KCNK10: variants seen among roughly 807,000 people sequenced by gnomAD.
KCNK10 encodes the protein potassium two pore domain channel subfamily K member 10.
KCNK10 carries 25 observed loss-of-function variants against 47.7 expected under a neutral mutation model. That is an observed-to-expected ratio of 0.52 (90% CI 0.38 to 0.73). The LOEUF (loss-of-function observed/expected upper bound fraction) is 0.73. KCNK10 is among the 30% of genes least tolerant of loss of function. KCNK10 has a pLI of 0.00. For missense variants in KCNK10, 563 were observed against 714.5 expected (o/e 0.79, Z 2.42); for synonymous variants, 303 against 285.6 (o/e 1.06, Z -0.61).
chr14:88,271,894 T>C (rs1887413907), intron 1 of KCNK10, among the ~76,000 whole-genome samples: 1 of 148,662 alleles, frequency 6.7e-6, no homozygotes, highest in Non-Finnish European at 1.5e-5. Flanking sequence ...TTTCCCCAAA[T>C]CTCTTCTTGT....
At chr14:88,295,406 T>C (rs1887965757) in intron 1 of KCNK10, among the ~76,000 whole-genome samples, 1 of 152,182 alleles carries the variant, frequency 6.6e-6, no homozygotes, top group Non-Finnish European at 1.5e-5. Flanking sequence ...TCACCTATAA[T>C]CCCAGCATTT....
intron 1 of KCNK10, among the ~76,000 whole-genome samples, chr14:88,305,455 T>C (rs1888185398): frequency 6.6e-6 from 1 of 152,124 alleles, no homozygotes; most frequent in South Asian, 2.1e-4. Flanking sequence ...CACCCTCTCT[T>C]TTCATGCTGC....
chr14:88,192,134 C>T (rs921055998), intron 5 of KCNK10, 90 bp downstream of exon 5: 8 of 1,272,120 alleles, frequency 6.3e-6, no homozygotes, highest in African/African-American at 4.5e-5. Flanking sequence ...TTGCTTCTCC[C>T]GCAACATCTT....
chr14:88,281,586 C>G (rs1348347258), intron 1 of KCNK10, among the ~76,000 whole-genome samples: 1 of 151,962 alleles, frequency 6.6e-6, no homozygotes, highest in Non-Finnish European at 1.5e-5. Context: ...TTTCCTGGTT[C>G]TCAGGCCTTC....
chr14:88,285,669 TACTC>T (rs1368363218), intron 1 of KCNK10, among the ~76,000 whole-genome samples: 5 of 152,206 alleles, frequency 3.3e-5, no homozygotes, highest in Non-Finnish European at 7.3e-5. Context: ...AGGTTAAGAT[TACTC>T]AGGTTCTTTA....
At chr14:88,196,218 C>T (rs1884909025) in intron 4 of KCNK10, among the ~76,000 whole-genome samples, 1 of 152,178 alleles carries the variant, frequency 6.6e-6, no homozygotes, top group South Asian at 2.1e-4. Flanking sequence ...TACTCAAAAC[C>T]CATCTCCTGT....
At chr14:88,258,233 TG>T (rs916449286) in intron 2 of KCNK10, among the ~76,000 whole-genome samples, 32 of 152,066 alleles carry the variant, frequency 2.1e-4, no homozygotes, top group African/African-American at 7.5e-4. Flanking sequence ...CTCAGCACCC[TG>T]AGGCCACATT....
chr14:88,301,005 A>C (rs1888081051), intron 1 of KCNK10, among the ~76,000 whole-genome samples: 1 of 152,160 alleles, frequency 6.6e-6, no homozygotes, highest in African/African-American at 2.4e-5. Flanking sequence ...TTAGACTCTC[A>C]ACTCTACCAT....
chr14:88,289,430 T>C (rs751026587), intron 1 of KCNK10, among the ~76,000 whole-genome samples: 5 of 152,206 alleles, frequency 3.3e-5, no homozygotes, highest in Non-Finnish European at 5.9e-5. Flanking sequence ...GTTTTTTAGA[T>C]TCACTTGAAG....
intron 2 of KCNK10, 68 bp downstream of exon 2, chr14:88,263,134 A>G: frequency 1.5e-6 from 2 of 1,306,362 alleles, no homozygotes; most frequent in South Asian, 1.4e-5. Context: ...CTAGAGACCC[A>G]GAAAGATAAA....
intron 2 of KCNK10, among the ~76,000 whole-genome samples, chr14:88,251,917 A>G (rs996041012): frequency 1.3e-5 from 2 of 152,056 alleles, no homozygotes; most frequent in African/African-American, 4.8e-5. Context: ...TCTTTGTCCT[A>G]CTAAATCAGT....
chr14:88,229,389 A>T (rs1024063871), intron 3 of KCNK10, among the ~76,000 whole-genome samples: 6 of 152,108 alleles, frequency 3.9e-5, no homozygotes, highest in Non-Finnish European at 5.9e-5. Flanking sequence ...CCCACTTAAC[A>T]TCTGCAAATC....
intron 4 of KCNK10, among the ~76,000 whole-genome samples, chr14:88,214,225 C>T (rs1885549106): frequency 6.6e-6 from 1 of 152,122 alleles, no homozygotes; most frequent in Admixed American, 6.5e-5. Flanking sequence ...AGGCTTGAGT[C>T]ACCACACCAA....
chr14:88,253,989 AG>A (rs1327615940), intron 2 of KCNK10, among the ~76,000 whole-genome samples: 1 of 152,186 alleles, frequency 6.6e-6, no homozygotes, highest in African/African-American at 2.4e-5. Flanking sequence ...TGGACCAGTC[AG>A]GGTGAGGGGG....
Position 88,202,450 on chromosome 14 carries a change from A to G in KCNK10, c.682-10040T>C, listed in dbSNP as rs530368775. Among the ~76,000 whole-genome samples the G allele has an allele frequency of 3.0e-4, 46 of 152,332 alleles. 1 individual carries two copies. The highest frequency in any genetic ancestry group is 2.8e-3 in the Admixed American group (43 of 15,300). On this transcript the variant is annotated intron_variant, in intron 4 of 6. Coordinates refer to ENST00000319231, the MANE Select transcript of KCNK10 (RefSeq NM_138317.3). Reference sequence around the variant, plus strand: ...TTTCCCAGCCTCTCCTGCTATGAGGAGACAAGCATGTGACCCAGGCTTTCC... The same window carrying G: ...TTTCCCAGCCTCTCCTGCTATGAGGGGACAAGCATGTGACCCAGGCTTTCC...
Position 88,241,330 on chromosome 14 carries a change from AG to A in KCNK10, c.403-511del, listed in dbSNP as rs575636658. 3.5e-3 allele frequency among the ~76,000 whole-genome samples: 527 copies of A among 152,306 alleles called. 1 individual carries two copies. Among genetic ancestry groups the A allele is most frequent in the Non-Finnish European group, 6.2e-3 (422 of 68,022 alleles). Reference sequence around the variant, plus strand: ...TGGGCAAGTTGTTTGAACCTCTCTGAGCCTAGTTTCCTCATTTGCAAACTAG... The same window carrying A: ...TGGGCAAGTTGTTTGAACCTCTCTGACCTAGTTTCCTCATTTGCAAACTAG... On this transcript the variant is annotated intron_variant, in intron 2 of 6. Transcript: ENST00000319231.
At chr14:88,283,910 C>CA (rs953353447) in intron 1 of KCNK10, among the ~76,000 whole-genome samples, 14 of 145,138 alleles carry the variant, frequency 9.6e-5, no homozygotes, top group African/African-American at 2.8e-4. Flanking sequence ...GAGACTGTCT[C>CA]AAAAAAAAAA....
At chr14:88,199,386 G>T (rs1885028296) in intron 4 of KCNK10, among the ~76,000 whole-genome samples, 1 of 152,178 alleles carries the variant, frequency 6.6e-6, no homozygotes, top group African/African-American at 2.4e-5. Context: ...AAGCAGAAAA[G>T]TAGGGTGAGA....
intron 1 of KCNK10, among the ~76,000 whole-genome samples, chr14:88,321,925 G>C (rs1186282610): frequency 2.0e-5 from 3 of 152,166 alleles, no homozygotes; most frequent in Non-Finnish European, 4.4e-5. Context: ...CTCTCATACT[G>C]ATCACTCCCT....
Sources: allele counts gnomAD v4.1 joint callset (sites outside exome capture counted in the v4.1 genomes callset), GRCh38; gene constraint gnomAD v4.1.1; transcripts MANE v1.5; gene names NCBI Gene and HGNC (gene_info 2026-07-23, HGNC 2026-07-21).